Variants in SLC10A7 observed in about 807,000 individuals in gnomAD.
SLC10A7 encodes the protein sodium/bile acid cotransporter 7.
In SLC10A7, 29 loss-of-function variants were observed where a neutral mutation model predicts 43.2. That is an observed-to-expected ratio of 0.67 (90% CI 0.50 to 0.92). SLC10A7 has a LOEUF of 0.92. Ranked by LOEUF, SLC10A7 falls within the 40% of genes least tolerant of loss-of-function variation. SLC10A7 has a pLI of 0.00. For synonymous variants in SLC10A7, 152 were observed against 144.8 expected (o/e 1.05, Z -0.35); for missense variants, 295 against 403.2 (o/e 0.73, Z 2.30).
chr4:146,487,674 C>G (rs1477316085), intron 4 of SLC10A7, among the ~76,000 whole-genome samples: 1 of 152,192 alleles, frequency 6.6e-6, no homozygotes, highest in East Asian at 1.9e-4. Context: ...CCTCTCAATC[C>G]CTATTCTCCC....
At chr4:146,509,283 A>C (rs1737230205) in intron 3 of SLC10A7, among the ~76,000 whole-genome samples, 1 of 152,246 alleles carries the variant, frequency 6.6e-6, no homozygotes, top group African/African-American at 2.4e-5. Flanking sequence ...TAGAAGCTAA[A>C]TAAATAACTT....
chr4:146,418,434 T>C (rs1225032958), intron 5 of SLC10A7, among the ~76,000 whole-genome samples: 2 of 152,164 alleles, frequency 1.3e-5, no homozygotes, highest in African/African-American at 4.8e-5. Context: ...CAAATTAGCA[T>C]TAAAATGATG....
At chr4:146,287,242 A>G (rs141858830) in intron 9 of SLC10A7, among the ~76,000 whole-genome samples, 69 of 152,276 alleles carry the variant, frequency 4.5e-4, no homozygotes, top group African/African-American at 1.5e-3. Context: ...AGTGGTAAGG[A>G]CTGTGTTTTC....
Position 146,335,251 on chromosome 4 carries a change from TAAAAAAAAAAAAA to T in SLC10A7, c.436-9268_436-9256del, listed in dbSNP as rs34522588. Among the ~76,000 whole-genome samples, 270 of 92,658 alleles carry T rather than the reference TAAAAAAAAAAAAA, an allele frequency of 2.9e-3. 1 individual carries two copies. Among genetic ancestry groups the T allele is most frequent in the African/African-American group, 0.01 (239 of 23,556 alleles). The allele number at this position is 92,658 out of a possible 152,430, so 60.8% of individuals were successfully genotyped here. ...CATTAAAGTGTTGCCACAGATGTTG[TAAAAAAAAAAAAA>T]AAAAAAAAAAAAAAAAAGAGTCCTG... On this transcript the variant is annotated intron_variant, in intron 5 of 11. Coordinates refer to ENST00000335472, the MANE Select transcript of SLC10A7 (RefSeq NM_001029998.6).
intron 5 of SLC10A7, among the ~76,000 whole-genome samples, chr4:146,371,228 C>T (rs954160348): frequency 1.3e-5 from 2 of 152,146 alleles, no homozygotes; most frequent in Non-Finnish European, 2.9e-5. Context: ...CACCAGATAT[C>T]GGGGGTACCA....
chr4:146,285,530 A>T (rs1477001474), intron 9 of SLC10A7, among the ~76,000 whole-genome samples: 1 of 152,218 alleles, frequency 6.6e-6, no homozygotes, highest in African/African-American at 2.4e-5. Context: ...GTGGGGATAA[A>T]TGCCAGTGCT....
intron 10 of SLC10A7, among the ~76,000 whole-genome samples, chr4:146,261,926 T>C (rs1242669052): frequency 6.6e-6 from 1 of 152,172 alleles, no homozygotes; most frequent in Admixed American, 6.5e-5. Flanking sequence ...ATGTTACTTG[T>C]TTTAGGAAAC....
chr4:146,512,993 G>A (rs1448549836), intron 2 of SLC10A7, among the ~76,000 whole-genome samples: 1 of 152,110 alleles, frequency 6.6e-6, no homozygotes, highest in Non-Finnish European at 1.5e-5. Flanking sequence ...AGTAAAATAA[G>A]TTAAGGTGCC....
chr4:146,257,455 G>A (rs147334912), intron 11 of SLC10A7, among the ~76,000 whole-genome samples: 12 of 152,248 alleles, frequency 7.9e-5, no homozygotes, highest in Non-Finnish European at 1.3e-4. Context: ...TGTCATCACC[G>A]TGTTGGGTAA....
chr4:146,348,199 CGTT>C (rs1178546356), intron 5 of SLC10A7, among the ~76,000 whole-genome samples: 4 of 152,100 alleles, frequency 2.6e-5, no homozygotes, highest in Non-Finnish European at 4.4e-5. Context: ...TACCAAACCT[CGTT>C]GGCTTCTGAG....
intron 3 of SLC10A7, among the ~76,000 whole-genome samples, chr4:146,507,843 G>T (rs765827533): frequency 1.3e-5 from 2 of 152,124 alleles, no homozygotes; most frequent in Non-Finnish European, 2.9e-5. Flanking sequence ...GGAGGGGAAG[G>T]GAAAAAACAC....
intron 5 of SLC10A7, among the ~76,000 whole-genome samples, chr4:146,367,745 T>C (rs1736496327): frequency 6.6e-6 from 1 of 152,214 alleles, no homozygotes; most frequent in African/African-American, 2.4e-5. Flanking sequence ...ATCCAACATT[T>C]GTGCTTCTGT....
chr4:146,446,740 TTATCTATCTATCTATC>T (rs150949685), intron 4 of SLC10A7, among the ~76,000 whole-genome samples: 252 of 143,822 alleles, frequency 1.8e-3, no homozygotes, highest in South Asian at 3.7e-3. Context: ...GTGAGAAGGT[TTATCTATCTATCTATC>T]TATCTATCTA....
intron 5 of SLC10A7, among the ~76,000 whole-genome samples, chr4:146,434,239 C>T (rs1378241188): frequency 2.6e-5 from 4 of 152,112 alleles, no homozygotes; most frequent in Non-Finnish European, 4.4e-5. Flanking sequence ...AATGCTGATT[C>T]GTTATAGCTA....
At chr4:146,454,020 A>C (rs1731826787) in intron 4 of SLC10A7, among the ~76,000 whole-genome samples, 1 of 151,882 alleles carries the variant, frequency 6.6e-6, no homozygotes, top group Non-Finnish European at 1.5e-5. Context: ...AATAGTGATG[A>C]TTCTGTATTT....
intron 5 of SLC10A7, among the ~76,000 whole-genome samples, chr4:146,411,435 T>C (rs1343976016): frequency 6.6e-6 from 1 of 152,176 alleles, no homozygotes; most frequent in Non-Finnish European, 1.5e-5. Flanking sequence ...TTAAATAAAA[T>C]ACTCAGGACT....
chr4:146,507,685 A>G (rs181709760), intron 3 of SLC10A7, among the ~76,000 whole-genome samples: 1 of 152,356 alleles, frequency 6.6e-6, no homozygotes, highest in Non-Finnish European at 1.5e-5. Flanking sequence ...ACACTTAAAA[A>G]GGCCTATTCA....
intron 1 of SLC10A7, among the ~76,000 whole-genome samples, chr4:146,520,227 T>C (rs1176153745): frequency 6.6e-6 from 1 of 151,926 alleles, no homozygotes; most frequent in African/African-American, 2.4e-5. Flanking sequence ...TTGCAGATCA[T>C]GCAAAGGTAC....
At chr4:146,414,721 T>TA (rs111567819) in intron 5 of SLC10A7, among the ~76,000 whole-genome samples, 38,287 of 141,360 alleles carry the variant, frequency 0.27, 5,509 homozygotes, top group African/African-American at 0.41. Flanking sequence ...AGACTCCATC[T>TA]AAAAAAAAAA....
Sources: gnomAD v4.1 joint callset for allele counts (sites outside exome capture counted in the v4.1 genomes callset) on GRCh38, gnomAD v4.1.1 for gene constraint, MANE v1.5 for transcripts, NCBI Gene and HGNC (gene_info 2026-07-23, HGNC 2026-07-21) for gene names.